The following FAF1 variants were observed in gnomAD, a reference collection of about 807,000 sequenced individuals.
The protein encoded by FAF1 is FAS-associated factor 1.
Under a neutral mutation model 92.5 loss-of-function variants are expected in FAF1, and 25 were observed. The observed-to-expected ratio is 0.27, with a 90% CI of 0.20 to 0.38. The LOEUF is 0.38. Ranked by LOEUF, FAF1 falls within the 10% of genes least tolerant of loss-of-function variation. The pLI, the probability that FAF1 is intolerant of heterozygous loss-of-function variation, is 1.00. For missense variants in FAF1, 636 were observed against 793.3 expected, an observed-to-expected ratio of 0.80 and a Z score of 2.38; for synonymous variants, 234 against 273.2, an observed-to-expected ratio of 0.86 and a Z score of 1.42.
intron 8 of FAF1, among the ~76,000 whole-genome samples, chr1:50,641,910 T>C (rs1326494642): frequency 6.6e-6 from 1 of 152,042 alleles, no homozygotes; most frequent in Non-Finnish European, 1.5e-5. Flanking sequence ...CCTGATAATA[T>C]TCCTTGTTCT....
intron 2 of FAF1, among the ~76,000 whole-genome samples, chr1:50,850,577 G>C (rs933264272): frequency 6.6e-6 from 1 of 151,808 alleles, no homozygotes; most frequent in Non-Finnish European, 1.5e-5. Flanking sequence ...ATTTAGATGA[G>C]CATAATATAA....
chr1:50,894,934 G>A (rs1364878617), intron 1 of FAF1, among the ~76,000 whole-genome samples: 1 of 151,890 alleles, frequency 6.6e-6, no homozygotes, highest in Non-Finnish European at 1.5e-5. Context: ...TACATCAAAA[G>A]GTGGAAAAGC....
At chr1:50,919,054 A>T (rs944157817) in intron 1 of FAF1, among the ~76,000 whole-genome samples, 16 of 152,202 alleles carry the variant, frequency 1.1e-4, no homozygotes, top group Non-Finnish European at 2.1e-4. Context: ...AAGGCAGAAT[A>T]AAAAAATTAT....
At chr1:50,588,223 G>A (rs139337219) in intron 9 of FAF1, among the ~76,000 whole-genome samples, 136 of 152,330 alleles carry the variant, frequency 8.9e-4, no homozygotes, top group Middle Eastern at 3.4e-3. Context: ...GGAGATGGAA[G>A]TTGCAGTACG....
Position 50,572,861 on chromosome 1 carries a change from TA to T in FAF1, c.1114-5631del, listed in dbSNP as rs947831965. On this transcript the variant is annotated intron_variant, in intron 12 of 18. Transcript: ENST00000396153. ...CTGCTTCTTTATGAAGATGATACTT[TA>T]AAAAAAAATTGTTTTTAATAGAGAT... 1.6e-4 allele frequency among the ~76,000 whole-genome samples: 24 copies of T among 151,710 alleles called. No homozygotes were observed. The East Asian group carries it at 1.9e-3, about 12-fold the overall frequency.
chr1:50,591,343 T>C (rs781601253), intron 9 of FAF1, among the ~76,000 whole-genome samples: 12 of 152,136 alleles, frequency 7.9e-5, no homozygotes, highest in Non-Finnish European at 1.8e-4. Context: ...CACTAAACTG[T>C]GTATTTGTGG....
At chr1:50,677,618 G>A (rs34497632) in intron 7 of FAF1, among the ~76,000 whole-genome samples, 148 of 152,180 alleles carry the variant, frequency 9.7e-4, no homozygotes, top group Admixed American at 3.2e-3. Context: ...ATTGGGGCTG[G>A]ACACGGTGGC....
intron 4 of FAF1, among the ~76,000 whole-genome samples, chr1:50,777,473 G>A (rs1252576770): frequency 2.0e-5 from 3 of 152,000 alleles, no homozygotes; most frequent in African/African-American, 4.8e-5. Context: ...ATGCCATAGT[G>A]AATTTGTAAC....
At chr1:50,818,742 T>C (rs1157119884) in intron 2 of FAF1, among the ~76,000 whole-genome samples, 2 of 151,990 alleles carry the variant, frequency 1.3e-5, no homozygotes, top group South Asian at 2.1e-4. Context: ...ATAAGAAATC[T>C]TGGAGGCCAG....
intron 2 of FAF1, among the ~76,000 whole-genome samples, chr1:50,832,464 C>CA (rs1319296377): frequency 6.6e-6 from 1 of 152,158 alleles, no homozygotes; most frequent in African/African-American, 2.4e-5. Flanking sequence ...TAGTAAGTGC[C>CA]AATAGCACCC....
intron 2 of FAF1, among the ~76,000 whole-genome samples, chr1:50,812,328 A>C (rs1479621352): frequency 6.6e-6 from 1 of 152,232 alleles, no homozygotes; most frequent in Non-Finnish European, 1.5e-5. Flanking sequence ...TACGTATCCA[A>C]AAAAGGTCTA....
intron 7 of FAF1, among the ~76,000 whole-genome samples, chr1:50,668,963 C>T (rs557022520): frequency 6.6e-6 from 1 of 152,260 alleles, no homozygotes; most frequent in Non-Finnish European, 1.5e-5. Flanking sequence ...CTCATCCCTG[C>T]CATAACCTGC....
chr1:50,760,186 G>T (rs1660265988), intron 4 of FAF1, among the ~76,000 whole-genome samples: 1 of 152,058 alleles, frequency 6.6e-6, no homozygotes. Flanking sequence ...GATTCATAAA[G>T]CAAGTCCTGA....
At chr1:50,447,204 C>T (rs1646238904) in intron 18 of FAF1, among the ~76,000 whole-genome samples, 1 of 146,652 alleles carries the variant, frequency 6.8e-6, no homozygotes, top group Non-Finnish European at 1.5e-5. Context: ...CGGCTCACTG[C>T]AAGCTCCGCC....
chr1:50,778,479 G>A (rs1448588774), intron 4 of FAF1, among the ~76,000 whole-genome samples: 1 of 152,086 alleles, frequency 6.6e-6, no homozygotes, highest in African/African-American at 2.4e-5. Context: ...ATAGCCTACT[G>A]TTGACCAGAA....
At chr1:50,644,800 G>C (rs1038779197) in intron 8 of FAF1, among the ~76,000 whole-genome samples, 1 of 152,092 alleles carries the variant, frequency 6.6e-6, no homozygotes, top group Admixed American at 6.6e-5. Context: ...TCCCTTCATG[G>C]GCAGAAGCAG....
At chr1:50,501,545 C>T (rs1436348523) in intron 15 of FAF1, among the ~76,000 whole-genome samples, 1 of 151,850 alleles carries the variant, frequency 6.6e-6, no homozygotes, top group African/African-American at 2.4e-5. Context: ...CCTGTAATCC[C>T]AGCTACTCGG....
intron 1 of FAF1, among the ~76,000 whole-genome samples, chr1:50,955,243 T>C (rs909492208): frequency 6.6e-6 from 1 of 152,174 alleles, no homozygotes; most frequent in African/African-American, 2.4e-5. Flanking sequence ...CAAAAAGACT[T>C]GAAACTTTCA....
At chr1:50,644,483 G>A (rs1038811207) in intron 8 of FAF1, among the ~76,000 whole-genome samples, 5 of 152,198 alleles carry the variant, frequency 3.3e-5, no homozygotes, top group Non-Finnish European at 5.9e-5. Flanking sequence ...TAAAGACTTG[G>A]GGAACCCCAT....
Sources: allele counts gnomAD v4.1 joint callset (sites outside exome capture counted in the v4.1 genomes callset), GRCh38; gene constraint gnomAD v4.1.1; transcripts MANE v1.5; gene names NCBI Gene and HGNC (gene_info 2026-07-23, HGNC 2026-07-21).